The following ELAVL2 variants were observed in gnomAD, a reference collection of about 807,000 sequenced individuals.
ELAVL2 encodes the protein ELAV-like protein 2.
ELAVL2 carries 4 observed loss-of-function variants against 34.6 expected under a neutral mutation model. That is an observed-to-expected ratio of 0.12 (90% CI 0.06 to 0.26). ELAVL2 has a LOEUF of 0.26. Among genes scored for constraint, ELAVL2 ranks in the 10% least tolerant of loss-of-function variants. ELAVL2 has a pLI of 1.00. For missense variants in ELAVL2, 432 were observed against 442.8 expected, an observed-to-expected ratio of 0.98 and a Z score of 0.22; for synonymous variants, 193 against 154.8, an observed-to-expected ratio of 1.25 and a Z score of -1.83.
At chr9:23,751,131 G>C (rs1219052819) in intron 2 of ELAVL2, among the ~76,000 whole-genome samples, 1 of 152,102 alleles carries the variant, frequency 6.6e-6, no homozygotes, top group African/African-American at 2.4e-5. Context: ...TGTTGAGCTA[G>C]AGGATGGGAG....
chr9:23,702,097 G>A (rs1170484997), intron 4 of ELAVL2, among the ~76,000 whole-genome samples: 1 of 152,130 alleles, frequency 6.6e-6, no homozygotes. Context: ...GTGGTAGAAA[G>A]ACATTTCGGT....
intron 2 of ELAVL2, among the ~76,000 whole-genome samples, chr9:23,747,364 T>C (rs10733393): frequency 0.98 from 149,619 of 152,228 alleles, 73,543 homozygotes; most frequent in East Asian, 1. Flanking sequence ...ATTTTAACAC[T>C]ATGGTTGACC....
chr9:23,702,100 A>G (rs962705393), intron 4 of ELAVL2, among the ~76,000 whole-genome samples: 2 of 152,180 alleles, frequency 1.3e-5, no homozygotes, highest in African/African-American at 4.8e-5. Flanking sequence ...GTAGAAAGAC[A>G]TTTCGGTTGA....
chr9:23,797,257 C>A (rs991768871), intron 1 of ELAVL2, among the ~76,000 whole-genome samples: 5 of 152,218 alleles, frequency 3.3e-5, no homozygotes, highest in African/African-American at 1.2e-4. Flanking sequence ...AAAACACAGG[C>A]GTTTTCAAAA....
intron 1 of ELAVL2, among the ~76,000 whole-genome samples, chr9:23,800,557 T>C (rs535522709): frequency 1.3e-5 from 2 of 152,204 alleles, no homozygotes; most frequent in Non-Finnish European, 2.9e-5. Context: ...GCTTAAGATA[T>C]CAGATGGAAA....
chr9:23,707,066 T>C (rs1169801781), intron 3 of ELAVL2, among the ~76,000 whole-genome samples: 7 of 152,222 alleles, frequency 4.6e-5, no homozygotes, highest in South Asian at 2.1e-4. Context: ...GAATTTGGAA[T>C]AGTGGTGGAG....
intron 1 of ELAVL2, among the ~76,000 whole-genome samples, chr9:23,805,846 AG>A (rs2062148827): frequency 6.6e-6 from 1 of 152,184 alleles, no homozygotes; most frequent in Admixed American, 6.5e-5. Context: ...CCAACCTTGA[AG>A]CAGCCAATAT....
At chr9:23,709,165 C>T (rs150867051) in intron 3 of ELAVL2, among the ~76,000 whole-genome samples, 2 of 152,292 alleles carry the variant, frequency 1.3e-5, no homozygotes, top group Non-Finnish European at 2.9e-5. Flanking sequence ...GGTCCTACCC[C>T]TATCCCTTTA....
chr9:23,693,290 T>G (rs531579301), intron 6 of ELAVL2, among the ~76,000 whole-genome samples, 158 bp downstream of exon 6: 1 of 152,166 alleles, frequency 6.6e-6, no homozygotes, highest in Non-Finnish European at 1.5e-5. Context: ...AAAAATTTCT[T>G]GAGTCAATTG....
At chr9:23,837,024 A>G in the ELAVL2 span, among the ~76,000 whole-genome samples, 2 of 152,232 alleles carry the variant, frequency 1.3e-5, no homozygotes, top group African/African-American at 4.8e-5. Context: ...AGGCAGGGTC[A>G]GACTATAATA....
intron 1 of ELAVL2, chr9:23,783,406 G>C: frequency 1.0e-6 from 1 of 976,878 alleles, no homozygotes; most frequent in Non-Finnish European, 1.2e-6. Context: ...AGAAAAACAT[G>C]TAACTTCAGA....
intron 1 of ELAVL2, among the ~76,000 whole-genome samples, chr9:23,784,316 A>T (rs2059429501): frequency 1.3e-5 from 2 of 152,372 alleles, no homozygotes; most frequent in South Asian, 4.1e-4. Flanking sequence ...AATGTTTAGA[A>T]TTGCAGTTCA....
intron 6 of ELAVL2, 73 bp downstream of exon 6, chr9:23,693,375 T>G: frequency 1.9e-6 from 3 of 1,571,982 alleles, no homozygotes; most frequent in Admixed American, 1.7e-5. Context: ...GGGGTGTGAA[T>G]AGCACTCCCA....
chr9:23,802,971 A>C (rs867322088), intron 1 of ELAVL2, among the ~76,000 whole-genome samples: 1 of 152,196 alleles, frequency 6.6e-6, no homozygotes, highest in African/African-American at 2.4e-5. Flanking sequence ...AACAAACAAA[A>C]GGTCCTGGGG....
intron 1 of ELAVL2, among the ~76,000 whole-genome samples, chr9:23,793,328 C>A (rs549877154): frequency 6.6e-5 from 10 of 152,130 alleles, no homozygotes; most frequent in Non-Finnish European, 1.3e-4. Context: ...CCAATTTCAG[C>A]TCCACATAAA....
chr9:23,776,026 G>C (rs1424738465), intron 1 of ELAVL2, among the ~76,000 whole-genome samples: 4 of 152,150 alleles, frequency 2.6e-5, no homozygotes, highest in African/African-American at 9.7e-5. Context: ...GTGATTCAAG[G>C]TGGCAAGTAA....
intron 6 of ELAVL2, 87 bp downstream of exon 6, chr9:23,693,359 TTA>T: frequency 6.6e-7 from 1 of 1,515,790 alleles, no homozygotes. Flanking sequence ...CAACAAAAAC[TTA>T]TGAGGGGTGT....
intron 1 of ELAVL2, among the ~76,000 whole-genome samples, chr9:23,812,122 AT>A (rs984734256): frequency 2.0e-4 from 30 of 151,550 alleles, no homozygotes; most frequent in African/African-American, 3.9e-4. Context: ...GGAGTGTGTG[AT>A]TTTTTTTTAA....
At chr9:23,836,887 C>T in the ELAVL2 span, among the ~76,000 whole-genome samples, 2 of 152,080 alleles carry the variant, frequency 1.3e-5, no homozygotes, top group Admixed American at 6.5e-5. Context: ...ACAGGATACA[C>T]CTATTGACAA....
Sources: allele counts gnomAD v4.1 joint callset (sites outside exome capture counted in the v4.1 genomes callset), GRCh38; gene constraint gnomAD v4.1.1; transcripts MANE v1.5; gene names NCBI Gene and HGNC (gene_info 2026-07-23, HGNC 2026-07-21).